LGSN: variants seen among roughly 807,000 people sequenced by gnomAD.
LGSN encodes the protein lengsin.
In LGSN, 21 loss-of-function variants were observed where a neutral mutation model predicts 19.5. That is an observed-to-expected ratio of 1.07 (90% CI 0.76 to 1.55). The LOEUF (loss-of-function observed/expected upper bound fraction) is 1.55. Among genes scored for constraint, LGSN ranks in the 40% most tolerant of loss-of-function variants. The pLI is 0.00. For missense variants in LGSN, 673 were observed against 608.5 expected, an observed-to-expected ratio of 1.11 and a Z score of -1.12; for synonymous variants, 257 against 215.6, an observed-to-expected ratio of 1.19 and a Z score of -1.68.
At chr6:63,421,250 C>A in the LGSN span, among the ~76,000 whole-genome samples, 1 of 151,012 alleles carries the variant, frequency 6.6e-6, no homozygotes, top group Non-Finnish European at 1.5e-5. Flanking sequence ...GGCAAAAACC[C>A]ACCTCTACTA....
the LGSN span, among the ~76,000 whole-genome samples, chr6:63,531,010 A>G: frequency 6.6e-6 from 1 of 152,204 alleles, no homozygotes; most frequent in Non-Finnish European, 1.5e-5. Flanking sequence ...CTATTCAACT[A>G]AATATAAGAA....
the LGSN span, among the ~76,000 whole-genome samples, chr6:63,462,916 T>C: frequency 7.2e-5 from 11 of 152,196 alleles, no homozygotes; most frequent in Admixed American, 5.9e-4. Context: ...TAGGAGAAAA[T>C]ATGACCAGTT....
the LGSN span, among the ~76,000 whole-genome samples, chr6:63,463,850 C>A: frequency 6.6e-6 from 1 of 152,052 alleles, no homozygotes; most frequent in African/African-American, 2.4e-5. Context: ...CTTGAACAAA[C>A]CTGATGTATC....
At chr6:63,465,249 C>T in the LGSN span, among the ~76,000 whole-genome samples, 40 of 152,116 alleles carry the variant, frequency 2.6e-4, no homozygotes, top group African/African-American at 9.4e-4. Context: ...GGCTCCATCT[C>T]GGCTCGCTGC....
At chr6:63,453,080 TAA>T in the LGSN span, among the ~76,000 whole-genome samples, 1 of 152,196 alleles carries the variant, frequency 6.6e-6, no homozygotes, top group Non-Finnish European at 1.5e-5. Context: ...TTTAGTTTTT[TAA>T]TATTTGGAGA....
chr6:63,565,943 G>A, the LGSN span, among the ~76,000 whole-genome samples: 21 of 152,270 alleles, frequency 1.4e-4, no homozygotes, highest in Middle Eastern at 3.4e-3. Flanking sequence ...TTTAAGCATA[G>A]GCATACCTTG....
intron 2 of LGSN, among the ~76,000 whole-genome samples, chr6:63,294,452 A>G (rs1422729961): frequency 2.0e-5 from 3 of 152,192 alleles, no homozygotes; most frequent in Non-Finnish European, 4.4e-5. Context: ...TTAGGACACA[A>G]TGATTCCTAG....
Position 63,294,931 on chromosome 6 carries a change from C to T in LGSN, c.145G>A (p.Asp49Asn), listed in dbSNP as rs371449779. Residue 49 changes from aspartate (D) to asparagine (N), a missense_variant, in exon 2 of 4, where the codon GAT (aspartate) becomes AAT (asparagine). Coordinates refer to ENST00000370657, the MANE Select transcript of LGSN (RefSeq NM_016571.3). ...YVCSTEVGET[D>N]MSNSNDCMRD... ...TAGATACCATTTGAATTGGACATAT[C>T]CGTTTCTCCCACTTCAGTTGAACAA... 14 of 1,613,900 alleles carry T rather than the reference C, an allele frequency of 8.7e-6. No homozygotes were observed. The highest frequency in any genetic ancestry group is 1.0e-5 in the Non-Finnish European group (12 of 1,179,882).
chr6:63,323,864 C>T (rs779316202), upstream of LGSN, among the ~76,000 whole-genome samples: 37 of 151,182 alleles, frequency 2.4e-4, no homozygotes, highest in Admixed American at 7.9e-4. Context: ...CTCCGCCTCC[C>T]GGGTTCAAGC....
At chr6:63,414,409 A>G in the LGSN span, among the ~76,000 whole-genome samples, 1 of 152,326 alleles carries the variant, frequency 6.6e-6, no homozygotes, top group East Asian at 1.9e-4. Flanking sequence ...CATAATGTAT[A>G]TAATATTGTA....
the LGSN span, among the ~76,000 whole-genome samples, chr6:63,483,965 A>G: frequency 6.6e-6 from 1 of 152,028 alleles, no homozygotes; most frequent in Non-Finnish European, 1.5e-5. Flanking sequence ...ATAACATGCA[A>G]TCAACTAGGT....
At chr6:63,556,317 C>G in the LGSN span, among the ~76,000 whole-genome samples, 1 of 151,548 alleles carries the variant, frequency 6.6e-6, no homozygotes, top group Non-Finnish European at 1.5e-5. Context: ...TAACATCAAA[C>G]TTGGTTTTTT....
At chr6:63,487,827 A>G in the LGSN span, among the ~76,000 whole-genome samples, 1 of 152,118 alleles carries the variant, frequency 6.6e-6, no homozygotes, top group African/African-American at 2.4e-5. Context: ...TTAAAAATGC[A>G]AATATTAGCC....
At chr6:63,393,471 G>A in the LGSN span, among the ~76,000 whole-genome samples, 146 of 152,052 alleles carry the variant, frequency 9.6e-4, 2 homozygotes, top group African/African-American at 3.3e-3. Context: ...GAGCCACCGC[G>A]CCTGGCCCAT....
intron 1 of LGSN, among the ~76,000 whole-genome samples, chr6:63,317,703 GC>G (rs1465516186): frequency 3.9e-5 from 6 of 152,116 alleles, no homozygotes; most frequent in African/African-American, 1.4e-4. Flanking sequence ...CTTGAAGCAA[GC>G]CTCTAGAAGG....
chr6:63,437,495 T>A, the LGSN span, among the ~76,000 whole-genome samples: 1 of 152,192 alleles, frequency 6.6e-6, no homozygotes, highest in Non-Finnish European at 1.5e-5. Context: ...CCTTAATAAA[T>A]GTTTCTTGAA....
At chr6:63,366,512 G>T in the LGSN span, among the ~76,000 whole-genome samples, 6 of 152,122 alleles carry the variant, frequency 3.9e-5, no homozygotes, top group African/African-American at 1.4e-4. Flanking sequence ...TGGCCATACT[G>T]CCCAAGATAA....
the LGSN span, among the ~76,000 whole-genome samples, chr6:63,397,371 G>T: frequency 2.0e-5 from 3 of 151,890 alleles, no homozygotes; most frequent in Non-Finnish European, 1.5e-5. Flanking sequence ...AGTGTTCATG[G>T]CTCAAAGCCA....
chr6:63,385,813 C>T, the LGSN span, among the ~76,000 whole-genome samples: 1 of 152,150 alleles, frequency 6.6e-6, no homozygotes, highest in Admixed American at 6.5e-5. Context: ...AAGCTAATAA[C>T]CTATCTTTTA....
Sources: allele counts gnomAD v4.1 joint callset (sites outside exome capture counted in the v4.1 genomes callset), GRCh38; gene constraint gnomAD v4.1.1; transcripts MANE v1.5; gene names NCBI Gene and HGNC (gene_info 2026-07-23, HGNC 2026-07-21).